The following FN3KRP variants were observed in gnomAD, a reference collection of about 807,000 sequenced individuals.
FN3KRP encodes fructosamine 3 kinase related protein, also known as ketosamine-3-kinase.
Under a neutral mutation model 29.8 loss-of-function variants are expected in FN3KRP, and 33 were observed. The observed-to-expected ratio is 1.11, with a 90% CI of 0.84 to 1.48. The LOEUF is 1.48. Among genes scored for constraint, FN3KRP ranks in the 40% most tolerant of loss-of-function variants. The probability of loss-of-function intolerance (pLI) is 0.00; values close to 1 mark genes in which losing one functional copy is unlikely to be tolerated. For missense variants in FN3KRP, 430 were observed against 402.6 expected (o/e 1.07, Z -0.58); for synonymous variants, 157 against 155.2 (o/e 1.01, Z -0.09).
At chr17:82,718,582 T>C in intron 1 of FN3KRP, 2 of 1,085,220 alleles carry the variant, frequency 1.8e-6, no homozygotes, top group Non-Finnish European at 2.3e-6. Context: ...GTAACCCATG[T>C]TCACAGTCCC....
chr17:82,726,689 C>T, intron 5 of FN3KRP, 87 bp downstream of exon 5: 1 of 1,533,556 alleles, frequency 6.5e-7, no homozygotes, highest in Non-Finnish European at 8.8e-7. Context: ...GTGAGGCCAC[C>T]TCTGAGTCTG....
chr17:82,725,227 C>G (rs1234765174), intron 4 of FN3KRP, among the ~76,000 whole-genome samples: 1 of 152,016 alleles, frequency 6.6e-6, no homozygotes, highest in East Asian at 1.9e-4. Flanking sequence ...TTTCTGGGCT[C>G]AAGCCATCCT....
At chr17:82,718,489 C>T (rs2046775171) in intron 1 of FN3KRP, 1 of 991,074 alleles carries the variant, frequency 1.0e-6, no homozygotes, top group Admixed American at 5.9e-5. Context: ...CAGGGTGCCG[C>T]CTGCACCTGA....
At chr17:82,722,132 C>A (rs1246928131) in intron 3 of FN3KRP, among the ~76,000 whole-genome samples, 2 of 145,984 alleles carry the variant, frequency 1.4e-5, no homozygotes, top group Non-Finnish European at 3.0e-5. Flanking sequence ...CTGTGCCCGG[C>A]CATTTTTATG....
At chr17:82,719,163 T>C in intron 2 of FN3KRP, 106 bp downstream of exon 2, 1 of 1,101,648 alleles carries the variant, frequency 9.1e-7, no homozygotes, top group Middle Eastern at 3.1e-4. Context: ...GCTGGCTTTA[T>C]TATCTGAGCA....
At position 82,720,494 on chromosome 17, in the gene FN3KRP, C is replaced by T. The variant is rs73361132; in HGVS notation, c.385+131C>T. The T allele has an allele frequency of 4.3e-3, 2,707 of 634,914 alleles. 62 individuals are homozygous for T. In the African/African-American group the frequency reaches 0.045, roughly 11 times the overall value. The allele number at this position is 634,914 out of a possible 1,614,324, so 39.3% of individuals were successfully genotyped here. A position where few individuals can be genotyped will look rare whatever the true frequency, so the allele number is the denominator to read the frequency against. On this transcript the variant is annotated intron_variant, in intron 3 of 5. Transcript: ENST00000269373. ...GGCTGATGGCAGAGCAAGGGAATGT[C>T]GGCCTTGAGCCGCATCTCACGGTGC...
Position 82,720,504 on chromosome 17 carries a change from C to G in FN3KRP, c.385+141C>G, listed in dbSNP as rs932119691. The G allele has an allele frequency of 4.9e-6, 3 of 613,310 alleles. No individual in the cohort carries two copies. The African/African-American group carries it at 5.6e-5, about 11-fold the overall frequency. The allele number at this position is 613,310 out of a possible 1,614,324, so 38.0% of individuals were successfully genotyped here. A position where few individuals can be genotyped will look rare whatever the true frequency, so the allele number is the denominator to read the frequency against. On this transcript the variant is annotated intron_variant, in intron 3 of 5. Transcript: ENST00000269373. ...AGAGCAAGGGAATGTCGGCCTTGAG[C>G]CGCATCTCACGGTGCACTGAACACA...
Position 82,726,987 on chromosome 17 carries a change from C to T in FN3KRP, c.746C>T (p.Ala249Val). Residue 249 changes from alanine (A) to valine (V), a missense_variant, in exon 6 of 6, where the codon GCT (alanine) becomes GTT (valine). Coordinates refer to ENST00000269373, the MANE Select transcript of FN3KRP (RefSeq NM_024619.4). ...YGHSEYELAI[A>V]GMFGGFSSSF... ...CACTCGGAATATGAGCTGGCAATAG[C>T]TGGCATGTTTGGGGGCTTTAGCAGC... The T allele has an allele frequency of 1.9e-6, 3 of 1,614,164 alleles. No homozygotes were observed. Among genetic ancestry groups the T allele is most frequent in the East Asian group, 2.2e-5 (1 of 44,880 alleles).
In FN3KRP at chr17:82,716,824, G is replaced by A; in HGVS notation, c.69G>A (p.Gly23=). 1 of 1,556,160 alleles carries A rather than the reference G, an allele frequency of 6.4e-7. No homozygotes were observed. The highest frequency in any genetic ancestry group is 8.6e-7 in the Non-Finnish European group (1 of 1,156,722). ...SVRATGHSGG[G]CISQGRSYDT... ...GGGCCACGGGCCACTCGGGGGGCGG[G>A]TGCATCAGCCAGGGCCGGAGCTACG... Residue 23 remains glycine (G), a synonymous_variant, in exon 1 of 6, where the codon GGG becomes GGA. Transcript: ENST00000269373.
In FN3KRP at chr17:82,727,101, A is replaced by G. The variant is rs750901852; in HGVS notation, c.860A>G (p.Asn287Ser). 18 of 1,613,942 alleles carry G rather than the reference A, an allele frequency of 1.1e-5. No individual in the cohort carries two copies. Among genetic ancestry groups the G allele is most frequent in the Non-Finnish European group, 1.5e-5 (18 of 1,180,020 alleles). ...TTGTATCAGCTCTTTCACTACTTGA[A>G]CCACTGGAATCATTTTGGATCGGGG... Reference protein sequence around the residue: ...LQLYQLFHYLNHWNHFGSGYR... With the variant: ...LQLYQLFHYLSHWNHFGSGYR... Residue 287 changes from asparagine to serine, a missense_variant, in exon 6 of 6, where the codon AAC becomes AGC. Asn to Ser is a conservative substitution (Grantham distance 46, BLOSUM62 1). Coordinates refer to ENST00000269373, the MANE Select transcript of FN3KRP (RefSeq NM_024619.4).
intron 4 of FN3KRP, among the ~76,000 whole-genome samples, 174 bp downstream of exon 4, chr17:82,723,060 G>A (rs1256795203): frequency 6.6e-6 from 1 of 152,218 alleles, no homozygotes; most frequent in African/African-American, 2.4e-5. Flanking sequence ...AATATGCTAG[G>A]TAAGCATGAA....
chr17:82,724,957 T>A (rs907914189), intron 4 of FN3KRP, among the ~76,000 whole-genome samples: 18 of 132,710 alleles, frequency 1.4e-4, no homozygotes, highest in African/African-American at 5.2e-4. Context: ...TACAGGTGCC[T>A]GTCACCATGC....
intron 2 of FN3KRP, 101 bp downstream of exon 2, chr17:82,719,158 C>T: frequency 8.8e-7 from 1 of 1,133,592 alleles, no homozygotes. Flanking sequence ...CACTGGCTGG[C>T]TTTATTATCT....
At chr17:82,718,696 G>A in intron 1 of FN3KRP, 1 of 1,253,856 alleles carries the variant, frequency 8.0e-7, no homozygotes, top group Non-Finnish European at 1.1e-6. Flanking sequence ...ACACTGGAAA[G>A]CTCAAGCCCT....
At chr17:82,722,975 T>C in intron 4 of FN3KRP, 89 bp downstream of exon 4, 1 of 1,178,702 alleles carries the variant, frequency 8.5e-7, no homozygotes, top group Non-Finnish European at 1.2e-6. Context: ...CCTTTTTTTG[T>C]GAGCTTCAGT....
chr17:82,726,957 A>G lies in FN3KRP; in HGVS notation c.716A>G (p.Tyr239Cys), dbSNP rs1374117705. The change falls in exon 6 of 6, where the codon TAC becomes TGC. Residue 239 changes from tyrosine to cysteine, a missense_variant. Transcript: ENST00000269373. ...GPVIFDPASF[Y>C]GHSEYELAIA... is the part of the protein sequence containing the mutation. ...GTGATTTTTGACCCAGCTTCTTTCTACGGCCACTCGGAATATGAGCTGGCA... is the reference window on the plus strand; with the variant it reads ...GTGATTTTTGACCCAGCTTCTTTCTGCGGCCACTCGGAATATGAGCTGGCA... 6.2e-6 allele frequency: 10 copies of G among 1,613,602 alleles called. No homozygotes were observed. The South Asian group carries it at 6.6e-5, about 11-fold the overall frequency.
intron 3 of FN3KRP, chr17:82,722,533 C>T: frequency 2.4e-6 from 1 of 416,390 alleles, no homozygotes; most frequent in Non-Finnish European, 4.3e-6. Context: ...TGTGTGTCCT[C>T]TGGTGCCCCT....
At chr17:82,723,184 G>A (rs924850104) in intron 4 of FN3KRP, among the ~76,000 whole-genome samples, 6 of 152,112 alleles carry the variant, frequency 3.9e-5, no homozygotes, top group African/African-American at 7.2e-5. Context: ...AATGACAAGG[G>A]TTTGTCACTT....
chr17:82,722,474 G>A, intron 3 of FN3KRP: 1 of 261,576 alleles, frequency 3.8e-6, no homozygotes, highest in Non-Finnish European at 7.3e-6. Flanking sequence ...CCCGCGTGTT[G>A]GGATGTGAGA....
Sources: gnomAD v4.1 joint callset for allele counts (sites outside exome capture counted in the v4.1 genomes callset) on GRCh38, gnomAD v4.1.1 for gene constraint, MANE v1.5 for transcripts, NCBI Gene and HGNC (gene_info 2026-07-23, HGNC 2026-07-21) for gene names.